Variants in RAP1GDS1 observed in about 807,000 individuals in gnomAD.
RAP1GDS1 encodes Rap1 GTPase-GDP dissociation stimulator 1.
In RAP1GDS1, 35 loss-of-function variants were observed where a neutral mutation model predicts 71.1. That is an observed-to-expected ratio of 0.49 (90% CI 0.38 to 0.65). The LOEUF (loss-of-function observed/expected upper bound fraction) is 0.65, where lower values mean the gene tolerates loss of function less well. Ranked by LOEUF, RAP1GDS1 falls within the 30% of genes least tolerant of loss-of-function variation. The pLI, the probability that RAP1GDS1 is intolerant of heterozygous loss-of-function variation, is 0.00. For missense variants in RAP1GDS1, 663 were observed against 706.1 expected (o/e 0.94, Z 0.69); for synonymous variants, 229 against 243.1 (o/e 0.94, Z 0.54).
At chr4:98,352,389 A>G in intron 3 of RAP1GDS1, 87 bp from the exon 4 acceptor site, 1 of 1,424,008 alleles carries the variant, frequency 7.0e-7, no homozygotes, top group Non-Finnish European at 9.6e-7. Context: ...CCACATATTA[A>G]AAGTAGGTAT....
intron 10 of RAP1GDS1, among the ~76,000 whole-genome samples, 200 bp downstream of exon 10, chr4:98,418,991 C>T (rs1748421043): frequency 6.6e-6 from 1 of 152,186 alleles, no homozygotes; most frequent in African/African-American, 2.4e-5. Context: ...CAAGAATAAT[C>T]TTTGCCTTCA....
At chr4:98,329,619 C>T (rs2110362646) in intron 2 of RAP1GDS1, among the ~76,000 whole-genome samples, 2 of 152,048 alleles carry the variant, frequency 1.3e-5, no homozygotes, top group Admixed American at 1.3e-4. Flanking sequence ...GAAACCTCAT[C>T]TCTACTAAAA....
intron 7 of RAP1GDS1, among the ~76,000 whole-genome samples, chr4:98,412,374 G>A (rs1747201568): frequency 6.6e-6 from 1 of 152,078 alleles, no homozygotes; most frequent in African/African-American, 2.4e-5. Flanking sequence ...AATTAGCCAG[G>A]CATGGTGGCA....
At chr4:98,395,834 C>G (rs1031286024) in intron 6 of RAP1GDS1, 1 of 152,092 alleles carries the variant, frequency 6.6e-6, no homozygotes, top group Non-Finnish European at 1.5e-5. Flanking sequence ...ATATCAATGA[C>G]ATTTGGGAAA....
intron 8 of RAP1GDS1, 121 bp from the exon 9 acceptor site, chr4:98,417,246 C>T: frequency 2.1e-6 from 2 of 971,672 alleles, no homozygotes; most frequent in Non-Finnish European, 3.0e-6. Context: ...ATTACTTTTC[C>T]CATTATGAAT....
chr4:98,293,802 G>A (rs1475094558), intron 2 of RAP1GDS1, among the ~76,000 whole-genome samples: 2 of 152,048 alleles, frequency 1.3e-5, no homozygotes, highest in African/African-American at 4.8e-5. Context: ...ATTTCTAACA[G>A]TCAAGCATCG....
At chr4:98,431,516 A>T (rs1486711041) in intron 12 of RAP1GDS1, among the ~76,000 whole-genome samples, 1 of 152,248 alleles carries the variant, frequency 6.6e-6, no homozygotes, top group Non-Finnish European at 1.5e-5. Context: ...GAATAGAACT[A>T]TGAAATAAAA....
chr4:98,286,008 T>C (rs569757972), intron 1 of RAP1GDS1, among the ~76,000 whole-genome samples: 1 of 151,214 alleles, frequency 6.6e-6, no homozygotes, highest in South Asian at 2.1e-4. Context: ...GGCTCATGCC[T>C]ATAATTCTAG....
intron 9 of RAP1GDS1, 82 bp downstream of exon 9, chr4:98,417,580 G>A (rs1433926685): frequency 1.4e-6 from 2 of 1,412,230 alleles, no homozygotes; most frequent in Admixed American, 4.0e-5. Context: ...TACTAAAACT[G>A]GAACAGTTTA....
At chr4:98,347,086 T>A (rs1736408649) in intron 3 of RAP1GDS1, among the ~76,000 whole-genome samples, 1 of 152,224 alleles carries the variant, frequency 6.6e-6, no homozygotes, top group Non-Finnish European at 1.5e-5. Context: ...CTACTCAGTG[T>A]TTTTATTTGG....
At chr4:98,385,904 C>G (rs898295696) in intron 5 of RAP1GDS1, among the ~76,000 whole-genome samples, 2 of 151,724 alleles carry the variant, frequency 1.3e-5, no homozygotes, top group South Asian at 4.1e-4. Context: ...ATTAATTTGG[C>G]ATTAGCTTAA....
chr4:98,434,182 C>A, intron 13 of RAP1GDS1, 120 bp downstream of exon 13: 2 of 1,177,402 alleles, frequency 1.7e-6, no homozygotes, highest in Middle Eastern at 2.4e-4. Context: ...GTGTCTGTAC[C>A]GTTCTCTGAA....
At chr4:98,347,313 A>G (rs1736435328) in intron 3 of RAP1GDS1, among the ~76,000 whole-genome samples, 1 of 152,170 alleles carries the variant, frequency 6.6e-6, no homozygotes, top group Non-Finnish European at 1.5e-5. Context: ...AAAGTAAAAG[A>G]AAGAAAGTAA....
chr4:98,311,992 G>A (rs944229014), intron 2 of RAP1GDS1, among the ~76,000 whole-genome samples: 1 of 152,124 alleles, frequency 6.6e-6, no homozygotes, highest in Non-Finnish European at 1.5e-5. Context: ...ATTGGAATGA[G>A]GAGTAAGATA....
intron 2 of RAP1GDS1, among the ~76,000 whole-genome samples, chr4:98,303,236 A>G (rs1237239139): frequency 6.6e-6 from 1 of 152,144 alleles, no homozygotes; most frequent in Non-Finnish European, 1.5e-5. Flanking sequence ...TCAAGGGAAT[A>G]CTGTACTCTT....
At chr4:98,270,652 G>C (rs114982762) in intron 1 of RAP1GDS1, among the ~76,000 whole-genome samples, 10 of 152,248 alleles carry the variant, frequency 6.6e-5, no homozygotes, top group Non-Finnish European at 1.3e-4. Context: ...TGAGCTCTTA[G>C]CTATGATTGG....
At chr4:98,375,980 A>T (rs1741128917) in intron 4 of RAP1GDS1, among the ~76,000 whole-genome samples, 1 of 152,064 alleles carries the variant, frequency 6.6e-6, no homozygotes, top group Non-Finnish European at 1.5e-5. Context: ...GTGAGACATG[A>T]TAACCATGAC....
At chr4:98,424,153 G>A (rs1445953644) in intron 12 of RAP1GDS1, among the ~76,000 whole-genome samples, 1 of 152,144 alleles carries the variant, frequency 6.6e-6, no homozygotes, top group Non-Finnish European at 1.5e-5. Context: ...CCACCAGATT[G>A]GGTTATCATG....
intron 4 of RAP1GDS1, among the ~76,000 whole-genome samples, chr4:98,359,987 T>A (rs1186565575): frequency 6.6e-6 from 1 of 152,240 alleles, no homozygotes; most frequent in Non-Finnish European, 1.5e-5. Context: ...TAAAGTACTC[T>A]ATCTCTTCAG....
Sources: allele counts gnomAD v4.1 joint callset (sites outside exome capture counted in the v4.1 genomes callset), GRCh38; gene constraint gnomAD v4.1.1; transcripts MANE v1.5; gene names NCBI Gene and HGNC (gene_info 2026-07-23, HGNC 2026-07-21).